GALNT13: variants seen among roughly 807,000 people sequenced by gnomAD.
The protein encoded by GALNT13 is polypeptide N-acetylgalactosaminyltransferase 13, also known as UDP-GalNAc:polypeptide N-acetylgalactosaminyltransferase 13.
GALNT13 carries 28 observed loss-of-function variants against 64.2 expected under a neutral mutation model. That is an observed-to-expected ratio of 0.44 (90% CI 0.32 to 0.60). GALNT13 has a LOEUF of 0.60. Ranked by LOEUF, GALNT13 falls within the 20% of genes least tolerant of loss-of-function variation. The pLI is 0.05. For missense variants in GALNT13, 577 were observed against 669.8 expected, an observed-to-expected ratio of 0.86 and a Z score of 1.53; for synonymous variants, 214 against 224.6, an observed-to-expected ratio of 0.95 and a Z score of 0.42.
intron 1 of GALNT13, among the ~76,000 whole-genome samples, chr2:153,898,224 C>T (rs568143362): frequency 2.6e-5 from 4 of 152,006 alleles, no homozygotes; most frequent in Non-Finnish European, 5.9e-5. Flanking sequence ...TCCAATTGTG[C>T]CGAAGGACTT....
chr2:154,174,533 C>T (rs905140800), intron 4 of GALNT13, among the ~76,000 whole-genome samples: 1 of 152,106 alleles, frequency 6.6e-6, no homozygotes, highest in African/African-American at 2.4e-5. Flanking sequence ...TACACACGAC[C>T]TTTGAAAAGT....
At chr2:153,591,073 A>G in the GALNT13 span, among the ~76,000 whole-genome samples, 78,428 of 151,850 alleles carry the variant, frequency 0.52, 22,279 homozygotes, top group African/African-American at 0.76. Flanking sequence ...ATAACCTTAT[A>G]ATTCCACCAC....
At chr2:153,124,086 G>T in the GALNT13 span, among the ~76,000 whole-genome samples, 1 of 152,158 alleles carries the variant, frequency 6.6e-6, no homozygotes, top group African/African-American at 2.4e-5. Context: ...TTATAGAGAG[G>T]TCCACATAGC....
chr2:153,362,184 A>G, the GALNT13 span, among the ~76,000 whole-genome samples: 1 of 152,178 alleles, frequency 6.6e-6, no homozygotes, highest in Non-Finnish European at 1.5e-5. Context: ...GGATTTTGTC[A>G]CCACCAGGCC....
chr2:154,446,411 TC>T lies in GALNT13; in HGVS notation c.1531-3999del, dbSNP rs1360433435. The T allele has an allele frequency of 5.1e-6, 3 of 590,298 alleles. No homozygotes were observed. In the East Asian group the frequency reaches 9.4e-5, roughly 19 times the overall value. The allele number at this position is 590,298 out of a possible 1,614,324, so 36.6% of individuals were successfully genotyped here. Reference sequence around the variant, plus strand: ...CCTTATAGGGTTGATATTAAAGCCATCTAAAAAAATGTGGCTCACAGCTCCA... The same window carrying T: ...CCTTATAGGGTTGATATTAAAGCCATTAAAAAAATGTGGCTCACAGCTCCA... On this transcript the variant is annotated intron_variant, in intron 12 of 12. Coordinates refer to ENST00000392825, the MANE Select transcript of GALNT13 (RefSeq NM_052917.4).
intron 11 of GALNT13, among the ~76,000 whole-genome samples, chr2:154,423,055 C>G (rs62172336): frequency 0.19 from 28,242 of 145,740 alleles, 3,031 homozygotes; most frequent in African/African-American, 0.22. Flanking sequence ...AATGTTATCC[C>G]TCACCCCTCC....
intron 3 of GALNT13, among the ~76,000 whole-genome samples, chr2:154,128,259 A>T (rs1682408918): frequency 6.6e-6 from 1 of 152,090 alleles, no homozygotes; most frequent in Admixed American, 6.6e-5. Flanking sequence ...CACTTATTAA[A>T]TAAGTGTTGA....
the GALNT13 span, among the ~76,000 whole-genome samples, chr2:153,501,755 AC>A: frequency 1.3e-5 from 2 of 152,148 alleles, no homozygotes; most frequent in Non-Finnish European, 2.9e-5. Context: ...GAAGAAAAAA[AC>A]TTTTTTTAAG....
the GALNT13 span, among the ~76,000 whole-genome samples, chr2:153,546,874 A>G: frequency 6.6e-6 from 1 of 152,210 alleles, no homozygotes; most frequent in Non-Finnish European, 1.5e-5. Flanking sequence ...AATTCTGACA[A>G]TTCCTCTCTA....
At chr2:153,557,796 C>G in the GALNT13 span, among the ~76,000 whole-genome samples, 2 of 152,180 alleles carry the variant, frequency 1.3e-5, no homozygotes, top group African/African-American at 4.8e-5. Flanking sequence ...CAAACTTCAT[C>G]TAACTTCATT....
At chr2:153,253,201 T>C in the GALNT13 span, among the ~76,000 whole-genome samples, 1 of 149,908 alleles carries the variant, frequency 6.7e-6, no homozygotes, top group East Asian at 1.9e-4. Context: ...GTAAGTTGGA[T>C]TCCTAGGTAT....
chr2:153,107,536 A>T, the GALNT13 span, among the ~76,000 whole-genome samples: 9 of 152,168 alleles, frequency 5.9e-5, no homozygotes, highest in African/African-American at 2.2e-4. Flanking sequence ...TTCAAGCAGC[A>T]GAAAAGAAGG....
At chr2:153,650,881 T>C in the GALNT13 span, among the ~76,000 whole-genome samples, 140,157 of 152,170 alleles carry the variant, frequency 0.92, 64,621 homozygotes, top group Middle Eastern at 0.96. Context: ...TAAAACTTGG[T>C]CGTGATGTAC....
intron 2 of GALNT13, among the ~76,000 whole-genome samples, chr2:153,911,232 C>G (rs1688914372): frequency 6.6e-6 from 1 of 152,018 alleles, no homozygotes; most frequent in South Asian, 2.1e-4. Context: ...GATTGTAACC[C>G]TAGTGTTTTT....
At chr2:153,673,366 A>C in the GALNT13 span, among the ~76,000 whole-genome samples, 37,097 of 152,154 alleles carry the variant, frequency 0.24, 5,809 homozygotes, top group Middle Eastern at 0.46. Flanking sequence ...TACCACGATC[A>C]AGACAGCTTC....
chr2:153,157,078 A>G, the GALNT13 span, among the ~76,000 whole-genome samples: 9 of 152,218 alleles, frequency 5.9e-5, no homozygotes, highest in Non-Finnish European at 1.0e-4. Context: ...AGGCATATGG[A>G]GAAGAAATGT....
the GALNT13 span, among the ~76,000 whole-genome samples, chr2:153,100,376 T>C: frequency 6.6e-6 from 1 of 152,222 alleles, no homozygotes. Flanking sequence ...ACAGGGACAA[T>C]AGCAGATGTA....
chr2:154,374,563 T>G (rs1300169538), intron 9 of GALNT13, among the ~76,000 whole-genome samples: 1 of 152,202 alleles, frequency 6.6e-6, no homozygotes, highest in East Asian at 1.9e-4. Flanking sequence ...CTAATTATGA[T>G]GCAATTCAGT....
At chr2:153,554,159 A>C in the GALNT13 span, among the ~76,000 whole-genome samples, 1 of 137,554 alleles carries the variant, frequency 7.3e-6, no homozygotes, top group Non-Finnish European at 1.6e-5. Flanking sequence ...TACTAAAAAT[A>C]CAAAAAAAAA....
Sources: allele counts gnomAD v4.1 joint callset (sites outside exome capture counted in the v4.1 genomes callset), GRCh38; gene constraint gnomAD v4.1.1; transcripts MANE v1.5; gene names NCBI Gene and HGNC (gene_info 2026-07-23, HGNC 2026-07-21).